Variants in CRACD observed in about 807,000 individuals in gnomAD.
CRACD encodes capping protein-inhibiting regulator of actin dynamics.
CRACD carries 56 observed loss-of-function variants against 106.8 expected under a neutral mutation model. The ratio of observed to expected loss-of-function variants is 0.52; its 90% CI spans 0.42 to 0.66. The LOEUF (loss-of-function observed/expected upper bound fraction) is 0.66. CRACD is among the 30% of genes least tolerant of loss of function. CRACD has a pLI of 0.00. For synonymous variants in CRACD, 754 were observed against 670.8 expected, an observed-to-expected ratio of 1.12 and a Z score of -1.92; for missense variants, 1,730 against 1,623.2, an observed-to-expected ratio of 1.07 and a Z score of -1.13.
intron 3 of CRACD, among the ~76,000 whole-genome samples, chr4:56,291,681 A>G (rs1743712976): frequency 6.6e-6 from 1 of 152,176 alleles, no homozygotes; most frequent in African/African-American, 2.4e-5. Context: ...CATGACTGAC[A>G]TACCTGCCCC....
At chr4:56,181,444 T>C (rs1360742064) in intron 2 of CRACD, among the ~76,000 whole-genome samples, 1 of 152,148 alleles carries the variant, frequency 6.6e-6, no homozygotes, top group Non-Finnish European at 1.5e-5. Context: ...GGTTGCCTTA[T>C]TTTCTTCTGC....
chr4:56,256,739 T>C (rs1449253442), intron 2 of CRACD, among the ~76,000 whole-genome samples: 1 of 152,216 alleles, frequency 6.6e-6, no homozygotes, highest in Non-Finnish European at 1.5e-5. Context: ...TCTTGCTACA[T>C]TATCTTCTTT....
At chr4:56,123,657 TCAAA>T (rs1734563456) in intron 1 of CRACD, among the ~76,000 whole-genome samples, 1 of 152,114 alleles carries the variant, frequency 6.6e-6, no homozygotes, top group Admixed American at 6.6e-5. Context: ...CATAGAGAGG[TCAAA>T]CAATTTGCCC....
chr4:56,077,671 A>T (rs1267888365), intron 1 of CRACD, among the ~76,000 whole-genome samples: 1 of 152,190 alleles, frequency 6.6e-6, no homozygotes, highest in African/African-American at 2.4e-5. Context: ...GTTCACCATG[A>T]TCATAATTGT....
In CRACD at chr4:56,300,517, A is replaced by G. The variant is rs567890711; in HGVS notation, c.120+2168A>G. Among the ~76,000 whole-genome samples the G allele has an allele frequency of 7.2e-5, 11 of 152,342 alleles. 1 individual carries two copies. The South Asian group carries it at 2.3e-3, about 32-fold the overall frequency. On this transcript the variant is annotated intron_variant, in intron 4 of 10. Coordinates refer to ENST00000682029, the MANE Select transcript of CRACD (RefSeq NM_001393381.1). ...AGAAGAGGGAAGTATGGTGATGGCC[A>G]AAGAAAACCTTGACCCCCCTCCTCC...
chr4:56,049,333 A>G (rs1314417119), intron 1 of CRACD, 34 bp downstream of exon 1: 1 of 151,762 alleles, frequency 6.6e-6, no homozygotes. Context: ...CCGGAGCCAG[A>G]CAATGGGGAC....
chr4:56,081,707 G>A (rs547937178), intron 1 of CRACD, among the ~76,000 whole-genome samples: 1 of 152,194 alleles, frequency 6.6e-6, no homozygotes, highest in African/African-American at 2.4e-5. Context: ...TGGGCATGGT[G>A]GTTCATGCCT....
intron 1 of CRACD, among the ~76,000 whole-genome samples, chr4:56,134,569 A>T (rs977501847): frequency 1.3e-5 from 2 of 152,196 alleles, no homozygotes; most frequent in African/African-American, 4.8e-5. Context: ...TCATGCACCA[A>T]CACCAATCTT....
intron 2 of CRACD, among the ~76,000 whole-genome samples, chr4:56,246,083 T>C (rs116052271): frequency 1.9e-4 from 29 of 152,254 alleles, no homozygotes; most frequent in Non-Finnish European, 3.5e-4. Context: ...AAGGCTGTGA[T>C]TTTGAGCCCC....
chr4:56,306,765 C>T (rs1458164829), intron 4 of CRACD, among the ~76,000 whole-genome samples: 1 of 152,162 alleles, frequency 6.6e-6, no homozygotes, highest in African/African-American at 2.4e-5. Context: ...CCTCCCTTTT[C>T]CCTGTCCTTC....
intron 1 of CRACD, among the ~76,000 whole-genome samples, chr4:56,164,712 T>C (rs1736077439): frequency 6.6e-6 from 1 of 152,066 alleles, no homozygotes; most frequent in Non-Finnish European, 1.5e-5. Flanking sequence ...GTGGTGGAAA[T>C]GTTTTATACC....
chr4:56,316,449 C>A lies in CRACD; in HGVS notation c.2947C>A (p.Pro983Thr), dbSNP rs1056980580. Reference protein sequence around the residue: ...PASPLSKLSRPYLVELLSRRA... With the variant: ...PASPLSKLSRTYLVELLSRRA... ...ATCCCCACTTTCCAAACTGAGCAGG[C>A]CCTACTTGGTAGAGCTGCTGTCTCG... The change falls in exon 8 of 11, where the codon CCC becomes ACC. Residue 983 changes from proline (P) to threonine (T), a missense_variant. By Grantham distance (38) the Pro-to-Thr change is conservative. Around this residue, in one of 5 missense-constraint regions of CRACD, gnomAD observed 1,620 missense variants for 1,481.6 expected, o/e 1.09. Transcript: ENST00000682029. 2 of 1,613,994 alleles carry A rather than the reference C, an allele frequency of 1.2e-6. No individual in the cohort carries two copies. Among genetic ancestry groups the A allele is most frequent in the East Asian group, 4.5e-5 (2 of 44,878 alleles).
At chr4:56,073,724 A>C (rs925080314) in intron 1 of CRACD, among the ~76,000 whole-genome samples, 6 of 152,118 alleles carry the variant, frequency 3.9e-5, no homozygotes, top group Non-Finnish European at 7.4e-5. Flanking sequence ...CCCATTTGTC[A>C]ATTTTGGCTT....
At chr4:56,070,501 G>A (rs934523670) in intron 1 of CRACD, among the ~76,000 whole-genome samples, 12 of 152,030 alleles carry the variant, frequency 7.9e-5, no homozygotes, top group African/African-American at 2.9e-4. Context: ...GGGTTTCACC[G>A]TAGTCTCAAT....
chr4:56,089,974 C>A (rs1163543247), intron 1 of CRACD, among the ~76,000 whole-genome samples: 7 of 151,918 alleles, frequency 4.6e-5, no homozygotes, highest in Non-Finnish European at 1.0e-4. Context: ...TATAGTTTCA[C>A]CTTAAAATTT....
chr4:56,268,510 A>G (rs1025831067), intron 2 of CRACD, among the ~76,000 whole-genome samples: 8 of 152,170 alleles, frequency 5.3e-5, no homozygotes, highest in Admixed American at 3.3e-4. Flanking sequence ...GGGGTTTGAT[A>G]TTTAGTGGGG....
chr4:56,075,975 G>A (rs761113810), intron 1 of CRACD, among the ~76,000 whole-genome samples: 1 of 151,732 alleles, frequency 6.6e-6, no homozygotes, highest in Non-Finnish European at 1.5e-5. Flanking sequence ...AGCTGATTAG[G>A]AAAAAAAAGT....
At chr4:56,215,300 CGTGAATCACT>C (rs1301975580) in intron 2 of CRACD, among the ~76,000 whole-genome samples, 2 of 152,194 alleles carry the variant, frequency 1.3e-5, no homozygotes, top group Non-Finnish European at 2.9e-5. Flanking sequence ...GGATTACAAA[CGTGAATCACT>C]GTGCCTGGCT....
At chr4:56,241,006 A>G (rs902679729) in intron 2 of CRACD, among the ~76,000 whole-genome samples, 1 of 152,228 alleles carries the variant, frequency 6.6e-6, no homozygotes, top group East Asian at 1.9e-4. Flanking sequence ...GGCTGCAGTG[A>G]GGGAAAGCAG....
Sources: gnomAD v4.1 joint callset for allele counts (sites outside exome capture counted in the v4.1 genomes callset) on GRCh38, gnomAD v4.1.1 for gene constraint, gnomAD v4.1.1 regional missense constraint, MANE v1.5 for transcripts, NCBI Gene and HGNC (gene_info 2026-07-23, HGNC 2026-07-21) for gene names.